DNAH11: variants seen among roughly 807,000 people sequenced by gnomAD.
DNAH11 encodes dynein axonemal heavy chain 11, also known as axonemal beta dynein heavy chain 11.
In DNAH11, 442 loss-of-function variants were observed where a neutral mutation model predicts 526.0. That is an observed-to-expected ratio of 0.84 (90% confidence interval 0.78 to 0.91). The LOEUF (loss-of-function observed/expected upper bound fraction) is 0.91. Ranked by LOEUF, DNAH11 falls within the 40% of genes least tolerant of loss-of-function variation. DNAH11 has a pLI of 0.00. For synonymous variants in DNAH11, 2,461 were observed against 1,935.9 expected, an observed-to-expected ratio of 1.27 and a Z score of -7.12; for missense variants, 6,989 against 5,448.7, an observed-to-expected ratio of 1.28 and a Z score of -8.90.
intron 28 of DNAH11, among the ~76,000 whole-genome samples, chr7:21,639,436 G>A (rs1388170212): frequency 1.3e-5 from 2 of 152,118 alleles, no homozygotes; most frequent in African/African-American, 4.8e-5. Context: ...ATCATAGCTG[G>A]TACCTTCTTA....
intron 47 of DNAH11, 59 bp from the exon 48 acceptor site, chr7:21,739,512 A>G: frequency 7.6e-7 from 1 of 1,315,326 alleles, no homozygotes; most frequent in Non-Finnish European, 1.1e-6. Context: ...GAACTGTTAG[A>G]TTTTGCTCTT....
At chr7:21,636,579 T>A (rs1222483786) in intron 26 of DNAH11, among the ~76,000 whole-genome samples, 3 of 151,944 alleles carry the variant, frequency 2.0e-5, no homozygotes, top group African/African-American at 7.3e-5. Context: ...TACTAAAAAA[T>A]TTTTAATAAT....
chr7:21,681,683 T>C lies in DNAH11; in HGVS notation c.5460+6T>C. On this transcript the variant is annotated splice_donor_region_variant and intron_variant, in intron 31 of 81. Transcript: ENST00000409508. ...CAAAACTTATTTCTCAGAAGGCAAG[T>C]TGTTTGTAGAAATTTTATGTATTCA... 4 of 1,613,792 alleles carry C rather than the reference T, an allele frequency of 2.5e-6. No individual in the cohort carries two copies. Among genetic ancestry groups the C allele is most frequent in the Non-Finnish European group, 3.4e-6 (4 of 1,179,740 alleles).
At position 21,865,737 on chromosome 7, in the gene DNAH11, G is replaced by A. The variant is rs187695218; in HGVS notation, c.11497-733G>A. Among the ~76,000 whole-genome samples, 12 of 152,328 alleles carry A rather than the reference G, an allele frequency of 7.9e-5. No individual in the cohort carries two copies. The East Asian group carries it at 1.9e-3, about 24-fold the overall frequency. ...GCAAGAAAGAATTCAGCGTGAGTCT[G>A]TAAAGCGAAAGCAAGTTTATTAATA... On this transcript the variant is annotated intron_variant, in intron 70 of 81. Coordinates refer to ENST00000409508, the MANE Select transcript of DNAH11 (RefSeq NM_001277115.2).
At chr7:21,806,109 C>G (rs142229154) in intron 62 of DNAH11, among the ~76,000 whole-genome samples, 395 of 152,242 alleles carry the variant, frequency 2.6e-3, no homozygotes, top group African/African-American at 9.1e-3. Flanking sequence ...AAATTTATTA[C>G]AGGACATGTT....
At chr7:21,872,340 G>A (rs1275997640) in intron 73 of DNAH11, among the ~76,000 whole-genome samples, 1 of 151,906 alleles carries the variant, frequency 6.6e-6, no homozygotes, top group Non-Finnish European at 1.5e-5. Context: ...ATGACTGAGT[G>A]GGCTTAGATC....
chr7:21,720,002 G>C (rs751376209), intron 43 of DNAH11, among the ~76,000 whole-genome samples: 1 of 152,198 alleles, frequency 6.6e-6, no homozygotes, highest in Non-Finnish European at 1.5e-5. Flanking sequence ...CATTGCTGGC[G>C]CAACTGCCCT....
At chr7:21,786,580 C>G in intron 58 of DNAH11, 44 bp from the exon 59 acceptor site, 1 of 1,563,796 alleles carries the variant, frequency 6.4e-7, no homozygotes, top group Non-Finnish European at 8.7e-7. Flanking sequence ...TCCAGACTTC[C>G]GCTAATCCTG....
At chr7:21,838,680 G>T (rs1782087655) in intron 65 of DNAH11, among the ~76,000 whole-genome samples, 1 of 151,716 alleles carries the variant, frequency 6.6e-6, no homozygotes, top group African/African-American at 2.4e-5. Context: ...GTAATTGTGG[G>T]TTTTTCCATG....
chr7:21,603,832 G>A (rs1165910408), intron 18 of DNAH11, among the ~76,000 whole-genome samples: 1 of 152,190 alleles, frequency 6.6e-6, no homozygotes, highest in Admixed American at 6.5e-5. Flanking sequence ...GTCATAATAA[G>A]TAATTGATGA....
intron 2 of DNAH11, among the ~76,000 whole-genome samples, chr7:21,551,102 A>G (rs1783006021): frequency 6.6e-6 from 1 of 152,122 alleles, no homozygotes; most frequent in African/African-American, 2.4e-5. Flanking sequence ...TATAATATAG[A>G]TATTAGTTTT....
intron 28 of DNAH11, among the ~76,000 whole-genome samples, chr7:21,648,344 A>T (rs115578065): frequency 9.3e-4 from 142 of 152,322 alleles, no homozygotes; most frequent in African/African-American, 3.2e-3. Context: ...GCTAGAAACT[A>T]GTTCTCCATT....
At chr7:21,832,718 A>G (rs904197507) in intron 65 of DNAH11, among the ~76,000 whole-genome samples, 4 of 152,218 alleles carry the variant, frequency 2.6e-5, no homozygotes, top group Admixed American at 6.5e-5. Context: ...CCGTTAGCCA[A>G]TGTGATCCTC....
At chr7:21,871,028 T>A (rs1471573109) in intron 73 of DNAH11, among the ~76,000 whole-genome samples, 1 of 152,212 alleles carries the variant, frequency 6.6e-6, no homozygotes, top group Non-Finnish European at 1.5e-5. Flanking sequence ...ATAATTTACA[T>A]TAAATTACAT....
chr7:21,788,759 A>G (rs949028603), intron 60 of DNAH11, among the ~76,000 whole-genome samples: 12 of 152,200 alleles, frequency 7.9e-5, no homozygotes, highest in Admixed American at 2.6e-4. Context: ...TAAAGGCCAG[A>G]CATGATCTCA....
chr7:21,899,216 G>A, intron 79 of DNAH11, 120 bp from the exon 80 acceptor site: 1 of 757,382 alleles, frequency 1.3e-6, no homozygotes. Flanking sequence ...GATTTTACCA[G>A]CTAGCAGTGG....
intron 30 of DNAH11, among the ~76,000 whole-genome samples, chr7:21,668,126 C>G (rs1468720619): frequency 6.6e-6 from 1 of 152,234 alleles, no homozygotes; most frequent in African/African-American, 2.4e-5. Flanking sequence ...CAGCAAATCT[C>G]CTAAGTTAGC....
chr7:21,740,587 A>G lies in DNAH11; in HGVS notation c.7914+914A>G, dbSNP rs60091869. 8.3e-4 allele frequency among the ~76,000 whole-genome samples: 127 copies of G among 152,300 alleles called. 1 individual carries two copies. Among genetic ancestry groups the G allele is most frequent in the African/African-American group, 2.9e-3 (121 of 41,574 alleles). On this transcript the variant is annotated intron_variant, in intron 48 of 81. Transcript: ENST00000409508. ...ATGTAAGACCGAGTCATATTCTAGT[A>G]CATGTATTTACCACATTTTCCTTAG... is the stretch of plus-strand genomic sequence containing the variant.
At chr7:21,775,182 T>C (rs1787619745) in intron 56 of DNAH11, among the ~76,000 whole-genome samples, 1 of 152,118 alleles carries the variant, frequency 6.6e-6, no homozygotes, top group African/African-American at 2.4e-5. Context: ...TAATAGTGAG[T>C]AGATGGACCA....
Sources: allele counts gnomAD v4.1 joint callset (sites outside exome capture counted in the v4.1 genomes callset), GRCh38; gene constraint gnomAD v4.1.1; transcripts MANE v1.5; gene names NCBI Gene and HGNC (gene_info 2026-07-23, HGNC 2026-07-21).